The following NAALADL2 variants were observed in gnomAD, a reference collection of about 807,000 sequenced individuals.
NAALADL2 encodes N-acetylated alpha-linked acidic dipeptidase like 2, also known as inactive N-acetylated-alpha-linked acidic dipeptidase-like protein 2.
NAALADL2 carries 76 observed loss-of-function variants against 87.2 expected under a neutral mutation model. The ratio of observed to expected loss-of-function variants is 0.87; its 90% confidence interval spans 0.72 to 1.05. The LOEUF is 1.05. Ranked by LOEUF, NAALADL2 falls within the 50% of genes least tolerant of loss-of-function variation. The pLI is 0.00. For synonymous variants in NAALADL2, 354 were observed against 331.0 expected, an observed-to-expected ratio of 1.07 and a Z score of -0.75; for missense variants, 1,089 against 945.8, an observed-to-expected ratio of 1.15 and a Z score of -1.99.
At chr3:174,795,208 G>T (rs747653150) in intron 3 of NAALADL2, among the ~76,000 whole-genome samples, 1 of 151,190 alleles carries the variant, frequency 6.6e-6, no homozygotes, top group African/African-American at 2.4e-5. Context: ...TGTTGGTTAG[G>T]ATAGTCTCAA....
chr3:175,802,097 C>A (rs1754230246), intron 13 of NAALADL2, among the ~76,000 whole-genome samples: 1 of 152,026 alleles, frequency 6.6e-6, no homozygotes, highest in Non-Finnish European at 1.5e-5. Flanking sequence ...ATATCTGAAG[C>A]AAATTCCAGA....
intron 1 of NAALADL2, among the ~76,000 whole-genome samples, chr3:174,928,918 T>G (rs1736472469): frequency 6.6e-6 from 1 of 152,170 alleles, no homozygotes; most frequent in African/African-American, 2.4e-5. Context: ...AATGAAACTC[T>G]TAGAGTCACT....
intron 1 of NAALADL2, among the ~76,000 whole-genome samples, chr3:174,911,810 C>G (rs532609471): frequency 3.9e-5 from 6 of 152,020 alleles, no homozygotes; most frequent in Non-Finnish European, 7.3e-5. Context: ...GACAAGTGCC[C>G]TTTACGATGT....
At chr3:174,605,481 G>A (rs897954862) in intron 2 of NAALADL2, among the ~76,000 whole-genome samples, 62 of 152,154 alleles carry the variant, frequency 4.1e-4, no homozygotes, top group African/African-American at 1.4e-3. Flanking sequence ...GCACTTTTCC[G>A]ATGGGCTTAA....
At chr3:175,220,418 T>C (rs1166525669) in intron 2 of NAALADL2, among the ~76,000 whole-genome samples, 1 of 151,958 alleles carries the variant, frequency 6.6e-6, no homozygotes, top group African/African-American at 2.4e-5. Flanking sequence ...GATTTTCTTT[T>C]GTGACAGTTT....
chr3:175,695,039 A>G (rs1737557579), intron 11 of NAALADL2, among the ~76,000 whole-genome samples: 2 of 151,592 alleles, frequency 1.3e-5, no homozygotes, highest in African/African-American at 4.8e-5. Context: ...GCCTAATTTG[A>G]GGTGCTTGAG....
intron 9 of NAALADL2, among the ~76,000 whole-genome samples, chr3:175,492,916 C>T (rs1728302362): frequency 6.6e-6 from 1 of 151,964 alleles, no homozygotes; most frequent in Non-Finnish European, 1.5e-5. Flanking sequence ...GCTCTTTTCA[C>T]CATTAAGCGT....
At chr3:174,994,362 T>G (rs1747146565) in intron 1 of NAALADL2, among the ~76,000 whole-genome samples, 1 of 152,186 alleles carries the variant, frequency 6.6e-6, no homozygotes, top group African/African-American at 2.4e-5. Flanking sequence ...GAAGCCACAG[T>G]TCACTTACTA....
Position 174,859,448 on chromosome 3 carries a change from A to C in NAALADL2, c.41A>C (p.Gln14Pro). ...NEASLPNTSL[Q>P]GKKMAYQKVH... ...GCAAGTTTACCTAACACGTCTTTGCAAGGTAAGTACCAACAGCCTATGAAC... is the reference window on the plus strand; with the variant it reads ...GCAAGTTTACCTAACACGTCTTTGCCAGGTAAGTACCAACAGCCTATGAAC... Residue 14 changes from glutamine (Q) to proline (P), a missense_variant and splice_region_variant, in exon 1 of 14, where the codon CAA becomes CCA. Gln to Pro is a moderately conservative substitution (Grantham distance 76). Transcript: ENST00000454872. The C allele has an allele frequency of 6.2e-7, 1 of 1,610,148 alleles. No individual in the cohort carries two copies. The highest frequency in any genetic ancestry group is 1.1e-5 in the South Asian group (1 of 90,510).
At chr3:174,641,078 A>G (rs1723132874) in intron 2 of NAALADL2, among the ~76,000 whole-genome samples, 1 of 152,098 alleles carries the variant, frequency 6.6e-6, no homozygotes, top group South Asian at 2.1e-4. Flanking sequence ...GTTAATCAGA[A>G]GGGAGATTGA....
chr3:175,309,429 G>A (rs1315976551), intron 4 of NAALADL2, among the ~76,000 whole-genome samples: 1 of 151,890 alleles, frequency 6.6e-6, no homozygotes, highest in South Asian at 2.1e-4. Flanking sequence ...CAGGTGATCC[G>A]CCTGCCTTGG....
chr3:175,013,295 A>ATTTTTT lies in NAALADL2; in HGVS notation c.44-83494_44-83493insTTTTTT, dbSNP rs1220823542. Among the ~76,000 whole-genome samples the ATTTTTT allele has an allele frequency of 2.6e-5, 2 of 77,432 alleles. 1 individual carries two copies. The highest frequency in any genetic ancestry group is 1.7e-4 in the African/African-American group (2 of 11,436). The allele number at this position is 77,432 out of a possible 152,430, so 50.8% of individuals were successfully genotyped here. ...TATATATACATATATATATATATAT[A>ATTTTTT]TATATATTTTTTTTTTTTTTTGAGA... On this transcript the variant is annotated intron_variant, in intron 1 of 13. Coordinates refer to ENST00000454872, the MANE Select transcript of NAALADL2 (RefSeq NM_207015.3).
At chr3:175,498,372 A>G (rs1036176090) in intron 9 of NAALADL2, among the ~76,000 whole-genome samples, 8 of 152,122 alleles carry the variant, frequency 5.3e-5, no homozygotes, top group African/African-American at 1.9e-4. Flanking sequence ...AAGGCAAACA[A>G]TAAAATATGG....
intron 5 of NAALADL2, among the ~76,000 whole-genome samples, chr3:175,444,684 A>G (rs1720403014): frequency 6.6e-6 from 1 of 152,192 alleles, no homozygotes; most frequent in South Asian, 2.1e-4. Flanking sequence ...TGGGTCCTGC[A>G]AATTATATAG....
At chr3:174,597,220 T>C (rs1049194720) in intron 2 of NAALADL2, among the ~76,000 whole-genome samples, 4 of 152,226 alleles carry the variant, frequency 2.6e-5, no homozygotes, top group Non-Finnish European at 4.4e-5. Context: ...CAGCACATGC[T>C]TAATTCTTTC....
intron 5 of NAALADL2, among the ~76,000 whole-genome samples, chr3:175,356,887 G>A (rs1015021140): frequency 3.3e-5 from 5 of 152,038 alleles, no homozygotes; most frequent in Admixed American, 2.0e-4. Flanking sequence ...GAACATGTTC[G>A]TATAATTACT....
chr3:175,678,220 A>G (rs1459541264), intron 11 of NAALADL2, among the ~76,000 whole-genome samples: 2 of 152,204 alleles, frequency 1.3e-5, no homozygotes, highest in African/African-American at 2.4e-5. Flanking sequence ...TGCCTATTCA[A>G]TATTCAGATA....
At chr3:175,785,889 G>T (rs1336836829) in intron 13 of NAALADL2, among the ~76,000 whole-genome samples, 1 of 149,412 alleles carries the variant, frequency 6.7e-6, no homozygotes, top group African/African-American at 2.5e-5. Context: ...AGCTCTTTTA[G>T]GGCAGGCCTG....
intron 11 of NAALADL2, among the ~76,000 whole-genome samples, chr3:175,720,719 G>A (rs1322523978): frequency 6.6e-6 from 1 of 151,976 alleles, no homozygotes; most frequent in Non-Finnish European, 1.5e-5. Flanking sequence ...ATAACAACTA[G>A]ACTGCAACTA....
Sources: gnomAD v4.1 joint callset for allele counts (sites outside exome capture counted in the v4.1 genomes callset) on GRCh38, gnomAD v4.1.1 for gene constraint, MANE v1.5 for transcripts, NCBI Gene and HGNC (gene_info 2026-07-23, HGNC 2026-07-21) for gene names.